Variants in AP1G1 observed in about 807,000 individuals in gnomAD.
AP1G1 encodes the protein AP-1 complex subunit gamma-1.
A neutral mutation model predicts 108.3 loss-of-function variants in AP1G1; 7 were observed. The observed-to-expected ratio is 0.06, with a 90% CI of 0.04 to 0.12. The LOEUF (loss-of-function observed/expected upper bound fraction) is 0.12, where lower values mean the gene tolerates loss of function less well. AP1G1 is among the 10% of genes least tolerant of loss of function. The pLI is 1.00. For synonymous variants in AP1G1, 379 were observed against 353.5 expected (o/e 1.07, Z -0.81); for missense variants, 756 against 1,010.7 (o/e 0.75, Z 3.42).
chr16:71,767,904 C>A, intron 6 of AP1G1: 1 of 1,598,832 alleles, frequency 6.3e-7, no homozygotes, highest in Non-Finnish European at 8.5e-7. Flanking sequence ...CAGCAGGATT[C>A]CAAACAGACA....
intron 1 of AP1G1, among the ~76,000 whole-genome samples, chr16:71,798,310 T>C (rs1169958543): frequency 6.6e-6 from 1 of 152,122 alleles, no homozygotes; most frequent in Non-Finnish European, 1.5e-5. Context: ...GCAATTCTCC[T>C]GCCTTACCCT....
chr16:71,759,028 T>C (rs2030945183), intron 10 of AP1G1, 107 bp from the exon 11 acceptor site: 5 of 645,770 alleles, frequency 7.7e-6, no homozygotes, highest in Non-Finnish European at 1.3e-5. Flanking sequence ...AGAGAAAGCA[T>C]ACATTTTTAT....
intron 5 of AP1G1, among the ~76,000 whole-genome samples, chr16:71,770,711 C>T (rs1405140509): frequency 2.0e-5 from 3 of 152,222 alleles, no homozygotes; most frequent in Non-Finnish European, 4.4e-5. Context: ...CTCAAATGAT[C>T]TGCCCACCTT....
chr16:71,806,724 A>G, intron 1 of AP1G1: 1 of 1,287,812 alleles, frequency 7.8e-7, no homozygotes, highest in Admixed American at 2.3e-5. Context: ...AGTGTTTGAC[A>G]GTTCCTTTAA....
intron 19 of AP1G1, chr16:71,742,320 C>T (rs2029910319): frequency 6.6e-6 from 1 of 151,882 alleles, no homozygotes; most frequent in Non-Finnish European, 1.5e-5. Flanking sequence ...TCTCTGCTGA[C>T]CAAGCCTGGC....
At chr16:71,741,827 G>A (rs949795664) in intron 19 of AP1G1, among the ~76,000 whole-genome samples, 1 of 152,070 alleles carries the variant, frequency 6.6e-6, no homozygotes, top group Non-Finnish European at 1.5e-5. Context: ...GAAAATCAGA[G>A]GCTACTCAAG....
intron 1 of AP1G1, among the ~76,000 whole-genome samples, chr16:71,798,553 A>G (rs1314772768): frequency 6.6e-6 from 1 of 151,738 alleles, no homozygotes; most frequent in Non-Finnish European, 1.5e-5. Flanking sequence ...GGATATATAT[A>G]ATTACCTGAA....
intron 21 of AP1G1, among the ~76,000 whole-genome samples, chr16:71,737,368 C>T (rs1011493182): frequency 6.6e-6 from 1 of 152,120 alleles, no homozygotes; most frequent in African/African-American, 2.4e-5. Flanking sequence ...ACTGCAACTT[C>T]CACCTCCTGG....
chr16:71,736,787 G>A (rs1204634099), intron 21 of AP1G1, among the ~76,000 whole-genome samples: 1 of 142,716 alleles, frequency 7.0e-6, no homozygotes, highest in Admixed American at 7.2e-5. Flanking sequence ...TAGAGACGGG[G>A]TTTCACCGTG....
chr16:71,778,600 T>C (rs1219146010), intron 2 of AP1G1, among the ~76,000 whole-genome samples: 1 of 150,918 alleles, frequency 6.6e-6, no homozygotes, highest in Admixed American at 6.6e-5. Flanking sequence ...GGAGAATCAC[T>C]TGAAAGCAGG....
intron 5 of AP1G1, among the ~76,000 whole-genome samples, chr16:71,770,788 T>TA (rs1334463524): frequency 6.6e-6 from 1 of 152,210 alleles, no homozygotes; most frequent in Non-Finnish European, 1.5e-5. Flanking sequence ...CTTATACTCC[T>TA]ACCACATGAT....
At position 71,732,740 on chromosome 16, in the gene AP1G1, AGCT is replaced by A. The variant is rs1419863093; in HGVS notation, c.*315_*317del. The A allele has an allele frequency of 8.0e-6, 2 of 251,400 alleles. No homozygotes were observed. The highest frequency in any genetic ancestry group is 1.5e-5 in the Non-Finnish European group (2 of 130,488). 15.6% of individuals were successfully genotyped at this position (251,400 alleles called of 1,614,324 possible). A position where few individuals can be genotyped will look rare whatever the true frequency, so the allele number is the denominator to read the frequency against. ...GGATTGCAGTCCTCTCCTCCAGACCAGCTGCTTATTTCCTCAGGGGCCCAGGGA... is the reference window on the plus strand; with the variant it reads ...GGATTGCAGTCCTCTCCTCCAGACCAGCTTATTTCCTCAGGGGCCCAGGGA... On this transcript the variant is annotated 3_prime_UTR_variant, in exon 23 of 23. Coordinates refer to ENST00000299980, the MANE Select transcript of AP1G1 (RefSeq NM_001128.6).
chr16:71,777,549 A>C (rs910437830), intron 2 of AP1G1: 1 of 344,920 alleles, frequency 2.9e-6, no homozygotes. Context: ...GTCTGTTCCC[A>C]CCCCAACCTC....
chr16:71,778,668 T>C (rs2031882055), intron 2 of AP1G1, among the ~76,000 whole-genome samples: 1 of 125,022 alleles, frequency 8.0e-6, no homozygotes, highest in Non-Finnish European at 1.6e-5. Flanking sequence ...GGGCAACAAA[T>C]TGAGATTCTG....
chr16:71,758,570 G>T (rs963413317), intron 11 of AP1G1: 1 of 609,440 alleles, frequency 1.6e-6, no homozygotes, highest in African/African-American at 1.8e-5. Flanking sequence ...GACAACTTCA[G>T]TGTGCACTTA....
At chr16:71,750,413 G>T in intron 13 of AP1G1, 81 bp from the exon 14 acceptor site, 1 of 1,538,912 alleles carries the variant, frequency 6.5e-7, no homozygotes, top group Non-Finnish European at 8.9e-7. Flanking sequence ...ATTACTGTGT[G>T]TTTTTTCCTT....
intron 18 of AP1G1, 97 bp downstream of exon 18, chr16:71,745,376 C>A: frequency 6.2e-7 from 1 of 1,601,770 alleles, no homozygotes; most frequent in Non-Finnish European, 8.5e-7. Context: ...AATCATCAAC[C>A]AACCCAGGAA....
chr16:71,738,880 T>C, intron 21 of AP1G1, 62 bp downstream of exon 21: 1 of 1,375,242 alleles, frequency 7.3e-7, no homozygotes, highest in Non-Finnish European at 1.0e-6. Flanking sequence ...ACCAAACACA[T>C]GAAAAAAAAA....
intron 6 of AP1G1, among the ~76,000 whole-genome samples, chr16:71,768,229 A>T: frequency 6.7e-6 from 1 of 148,686 alleles, no homozygotes. Flanking sequence ...CGGGCGCGGT[A>T]GCTCACGCCT....
Sources: gnomAD v4.1 joint callset for allele counts (sites outside exome capture counted in the v4.1 genomes callset) on GRCh38, gnomAD v4.1.1 for gene constraint, MANE v1.5 for transcripts, NCBI Gene and HGNC (gene_info 2026-07-23, HGNC 2026-07-21) for gene names.